The following ADISSP variants were observed in gnomAD, a reference collection of about 807,000 sequenced individuals.
The protein encoded by ADISSP is adipose secreted signaling protein.
At chr20:3,754,337 A>G in the ADISSP span, 1 of 1,589,494 alleles carries the variant, frequency 6.3e-7, no homozygotes. Context: ...TGAGGAGGAC[A>G]GAAACCCTCG....
chr20:3,761,336 GTTT>G, the ADISSP span, among the ~76,000 whole-genome samples: 1 of 141,640 alleles, frequency 7.1e-6, no homozygotes, highest in African/African-American at 2.6e-5. Flanking sequence ...TATGGTTTTT[GTTT>G]TTTTTTTTTT....
the ADISSP span, chr20:3,754,633 C>T: frequency 9.0e-7 from 1 of 1,113,982 alleles, no homozygotes; most frequent in Non-Finnish European, 1.3e-6. Context: ...TAAGCCCCCC[C>T]AAGAAAGGGG....
At chr20:3,757,673 G>A in the ADISSP span, among the ~76,000 whole-genome samples, 1 of 152,082 alleles carries the variant, frequency 6.6e-6, no homozygotes, top group African/African-American at 2.4e-5. Flanking sequence ...CTGTTGCCCA[G>A]GCTGGAGTGC....
chr20:3,756,082 G>A, the ADISSP span, among the ~76,000 whole-genome samples: 3 of 152,198 alleles, frequency 2.0e-5, no homozygotes, highest in African/African-American at 7.2e-5. Flanking sequence ...GGTCAGGGAT[G>A]CTGGTCCTCC....
At chr20:3,754,154 C>G in the ADISSP span, 1 of 1,610,312 alleles carries the variant, frequency 6.2e-7, no homozygotes, top group Non-Finnish European at 8.5e-7. Flanking sequence ...TGCCGTGGTG[C>G]CGGTCTGCAA....
the ADISSP span, chr20:3,760,008 T>G: frequency 6.2e-7 from 1 of 1,609,198 alleles, no homozygotes; most frequent in Non-Finnish European, 8.5e-7. Flanking sequence ...GGGCCCTACC[T>G]GCAGCAATGG....
chr20:3,758,222 C>G, the ADISSP span, among the ~76,000 whole-genome samples: 3 of 152,248 alleles, frequency 2.0e-5, no homozygotes, highest in Non-Finnish European at 4.4e-5. The surrounding 1 kb of genome is among the most constrained non-coding windows in gnomAD (Gnocchi z 5.5). Flanking sequence ...CCCAAGGTCA[C>G]AGAGCCAGAA....
the ADISSP span, chr20:3,767,938 C>G: frequency 2.0e-5 from 3 of 152,276 alleles, no homozygotes; most frequent in Admixed American, 6.5e-5. Context: ...CCGCGCCTGC[C>G]GGGCGAGCTC....
the ADISSP span, chr20:3,753,888 G>A: frequency 1.6e-6 from 1 of 617,644 alleles, no homozygotes; most frequent in South Asian, 1.9e-5. Flanking sequence ...GACGAGGGAG[G>A]GGCAGGGTGG....
At chr20:3,760,891 G>A in the ADISSP span, among the ~76,000 whole-genome samples, 1 of 152,184 alleles carries the variant, frequency 6.6e-6, no homozygotes, top group African/African-American at 2.4e-5. Flanking sequence ...GACCATCTGA[G>A]CATCAAAAAG....
At chr20:3,759,478 G>A in the ADISSP span, among the ~76,000 whole-genome samples, 1 of 152,094 alleles carries the variant, frequency 6.6e-6, no homozygotes, top group Non-Finnish European at 1.5e-5. This position sits in a 1 kb window ranked among gnomAD's most constrained non-coding sequence, Gnocchi z 4.6. Context: ...TAGAGGCCGA[G>A]AGCACGGCCC....
the ADISSP span, among the ~76,000 whole-genome samples, chr20:3,758,295 T>C: frequency 6.6e-6 from 1 of 152,286 alleles, no homozygotes; most frequent in South Asian, 2.1e-4. The surrounding 1 kb of genome is among the most constrained non-coding windows in gnomAD (Gnocchi z 5.5). Context: ...CTTCCATTGC[T>C]ATTGTCTGGG....
chr20:3,759,234 G>A, the ADISSP span, among the ~76,000 whole-genome samples: 176 of 152,298 alleles, frequency 1.2e-3, 3 homozygotes, highest in African/African-American at 4.1e-3. This position sits in a 1 kb window ranked among gnomAD's most constrained non-coding sequence, Gnocchi z 4.6. Flanking sequence ...ACCTGGGCGA[G>A]GCTGCAGCTG....
the ADISSP span, among the ~76,000 whole-genome samples, chr20:3,763,328 C>T: frequency 1.3e-5 from 2 of 149,004 alleles, no homozygotes; most frequent in East Asian, 2.0e-4. Context: ...GAGGCTGAGG[C>T]GGGCGGATCA....
At chr20:3,755,584 G>A in the ADISSP span, 2 of 1,600,942 alleles carry the variant, frequency 1.2e-6, no homozygotes, top group Admixed American at 1.7e-5. Context: ...TCTCATACCT[G>A]TGCAGGATCT....
At chr20:3,762,379 TTG>T in the ADISSP span, among the ~76,000 whole-genome samples, 3 of 152,034 alleles carry the variant, frequency 2.0e-5, no homozygotes, top group African/African-American at 7.2e-5. Context: ...TTGCTGCCTG[TTG>T]TGTTTTTGTT....
the ADISSP span, among the ~76,000 whole-genome samples, chr20:3,761,544 C>T: frequency 6.6e-6 from 1 of 152,174 alleles, no homozygotes; most frequent in Non-Finnish European, 1.5e-5. Context: ...CCATGTTGGC[C>T]AGGCTGGTCT....
chr20:3,754,206 C>T, the ADISSP span: 2 of 1,559,020 alleles, frequency 1.3e-6, no homozygotes, highest in Non-Finnish European at 1.8e-6. Flanking sequence ...CCGGCCCCAC[C>T]CATGCGGCCC....
chr20:3,761,377 C>T, the ADISSP span, among the ~76,000 whole-genome samples: 2 of 151,598 alleles, frequency 1.3e-5, no homozygotes, highest in Non-Finnish European at 2.9e-5. Flanking sequence ...CTCTTGTCAC[C>T]CAGGCTGGGA....
Sources: allele counts gnomAD v4.1 joint callset (sites outside exome capture counted in the v4.1 genomes callset), GRCh38; gene constraint gnomAD v4.1.1; non-coding constraint Gnocchi (gnomAD v3.1); transcripts MANE v1.5; gene names NCBI Gene and HGNC (gene_info 2026-07-23, HGNC 2026-07-21).